The following CENPK variants were observed in gnomAD, a reference collection of about 807,000 sequenced individuals.
CENPK encodes SoxLZ/Sox6-binding protein Solt.
In CENPK, 46 loss-of-function variants were observed where a neutral mutation model predicts 40.9. The observed-to-expected ratio is 1.13, with a 90% CI of 0.89 to 1.44. CENPK has a LOEUF of 1.44. Among genes scored for constraint, CENPK ranks in the 40% most tolerant of loss-of-function variants. The pLI, the probability that CENPK is intolerant of heterozygous loss-of-function variation, is 0.00. For missense variants in CENPK, 288 were observed against 303.5 expected (o/e 0.95, Z 0.38); for synonymous variants, 107 against 104.4 (o/e 1.02, Z -0.15).
intron 4 of CENPK, 106 bp from the exon 5 acceptor site, chr5:65,551,742 TC>T (rs1750095045): frequency 3.8e-6 from 2 of 530,994 alleles, no homozygotes; most frequent in Admixed American, 3.8e-5. Flanking sequence ...GGGGGTGGCA[TC>T]CCTAACTCTC....
intron 6 of CENPK, among the ~76,000 whole-genome samples, chr5:65,537,468 C>A (rs1747132415): frequency 6.6e-6 from 1 of 152,150 alleles, no homozygotes; most frequent in Admixed American, 6.5e-5. Context: ...CCACGCCCAG[C>A]TAATTTTTTT....
chr5:65,521,724 C>A (rs547712427), intron 9 of CENPK, among the ~76,000 whole-genome samples, 196 bp from the exon 10 acceptor site: 3 of 152,236 alleles, frequency 2.0e-5, no homozygotes, highest in African/African-American at 7.2e-5. Flanking sequence ...CCTCAGCCTC[C>A]CGAGTAGCTG....
chr5:65,513,829 T>C (rs1698339758), downstream of CENPK, among the ~76,000 whole-genome samples: 1 of 152,232 alleles, frequency 6.6e-6, no homozygotes, highest in South Asian at 2.1e-4. Context: ...CCATTAAGTA[T>C]GTTGTTAGCT....
intron 5 of CENPK, among the ~76,000 whole-genome samples, chr5:65,548,616 C>T (rs1483899807): frequency 6.6e-6 from 1 of 152,118 alleles, no homozygotes; most frequent in African/African-American, 2.4e-5. Context: ...CAAACCCTGA[C>T]GCTGCCTTAC....
chr5:65,513,432 T>C (rs1580849158), downstream of CENPK, among the ~76,000 whole-genome samples: 3 of 152,352 alleles, frequency 2.0e-5, no homozygotes, highest in East Asian at 3.9e-4. Flanking sequence ...CCCATGAATA[T>C]GGAATATTAT....
downstream of CENPK, among the ~76,000 whole-genome samples, chr5:65,517,561 A>G (rs938374347): frequency 2.0e-5 from 3 of 152,206 alleles, no homozygotes; most frequent in African/African-American, 7.2e-5. Context: ...TAATTAAGGT[A>G]AGCCAGAGAC....
At chr5:65,537,361 G>A (rs1232156318) in intron 6 of CENPK, among the ~76,000 whole-genome samples, 3 of 152,188 alleles carry the variant, frequency 2.0e-5, no homozygotes, top group Non-Finnish European at 4.4e-5. Context: ...CTGGAGTCCA[G>A]TAGGGCGATC....
At chr5:65,529,426 A>G (rs538257123) in intron 6 of CENPK, 2 of 416,048 alleles carry the variant, frequency 4.8e-6, no homozygotes, top group East Asian at 4.3e-5. Flanking sequence ...GTAAATTTTA[A>G]TATCATATTG....
chr5:65,530,495 G>A (rs1197116535), intron 6 of CENPK, among the ~76,000 whole-genome samples: 1 of 152,058 alleles, frequency 6.6e-6, no homozygotes, highest in Admixed American at 6.6e-5. Context: ...AAAGGCCAAG[G>A]GGCAGAAGTA....
chr5:65,533,463 C>T (rs148285902), intron 6 of CENPK, among the ~76,000 whole-genome samples: 2 of 152,212 alleles, frequency 1.3e-5, no homozygotes, highest in African/African-American at 4.8e-5. Flanking sequence ...CTACTGCTAA[C>T]ATCACACTTA....
At chr5:65,560,607 T>C (rs1751795610) in intron 2 of CENPK, among the ~76,000 whole-genome samples, 1 of 152,092 alleles carries the variant, frequency 6.6e-6, no homozygotes, top group Non-Finnish European at 1.5e-5. Context: ...AAAAAACAAA[T>C]ACCTTTTAAA....
At chr5:65,539,296 T>C (rs1156429595) in intron 6 of CENPK, among the ~76,000 whole-genome samples, 3 of 152,196 alleles carry the variant, frequency 2.0e-5, no homozygotes, top group Non-Finnish European at 4.4e-5. Flanking sequence ...TAACATCTCA[T>C]CTAAATATGA....
At chr5:65,562,611 T>C (rs1752211435) in intron 1 of CENPK, among the ~76,000 whole-genome samples, 1 of 152,192 alleles carries the variant, frequency 6.6e-6, no homozygotes, top group Admixed American at 6.5e-5. Flanking sequence ...TTATGTTATG[T>C]GCTTTTTACC....
At chr5:65,521,578 T>C in intron 9 of CENPK, 50 bp from the exon 10 acceptor site, 6 of 1,203,604 alleles carry the variant, frequency 5.0e-6, no homozygotes, top group Non-Finnish European at 7.3e-6. Flanking sequence ...CTTCTGCCAA[T>C]GGTGAAATAT....
At chr5:65,557,586 G>A (rs892442067) in intron 2 of CENPK, among the ~76,000 whole-genome samples, 2 of 152,150 alleles carry the variant, frequency 1.3e-5, no homozygotes, top group African/African-American at 2.4e-5. Context: ...CCAGACAAAC[G>A]CTGGTATCAA....
chr5:65,534,881 G>A (rs1746596070), intron 6 of CENPK, among the ~76,000 whole-genome samples: 1 of 152,194 alleles, frequency 6.6e-6, no homozygotes, highest in Non-Finnish European at 1.5e-5. Flanking sequence ...ATTAAATGGA[G>A]TTAATCAAAT....
the CENPK span, among the ~76,000 whole-genome samples, chr5:65,497,368 C>CA: frequency 6.2e-5 from 9 of 144,502 alleles, no homozygotes; most frequent in Admixed American, 4.1e-4. Context: ...GACTCCCTTT[C>CA]AAAAAAAAAA....
chr5:65,527,560 G>A (rs1214894250), intron 9 of CENPK, among the ~76,000 whole-genome samples: 1 of 110,602 alleles, frequency 9.0e-6, no homozygotes, highest in Non-Finnish European at 1.8e-5. Context: ...TATATGAACT[G>A]TTCACAATCT....
chr5:65,513,144 C>T (rs1742637306), downstream of CENPK, among the ~76,000 whole-genome samples: 1 of 152,026 alleles, frequency 6.6e-6, no homozygotes, highest in Non-Finnish European at 1.5e-5. Context: ...TAACAGTGTC[C>T]TTCACAGAGC....
Sources: allele counts gnomAD v4.1 joint callset (sites outside exome capture counted in the v4.1 genomes callset), GRCh38; gene constraint gnomAD v4.1.1; transcripts MANE v1.5; gene names NCBI Gene and HGNC (gene_info 2026-07-23, HGNC 2026-07-21).